ANKRD36: variants seen among roughly 807,000 people sequenced by gnomAD.
The protein encoded by ANKRD36 is ankyrin repeat domain 36.
ANKRD36 carries 179 observed loss-of-function variants against 278.1 expected under a neutral mutation model. That is an observed-to-expected ratio of 0.64 (90% confidence interval 0.57 to 0.73). The LOEUF (loss-of-function observed/expected upper bound fraction) is 0.73, where lower values mean the gene tolerates loss of function less well. Among genes scored for constraint, ANKRD36 ranks in the 30% least tolerant of loss-of-function variants. ANKRD36 has a pLI of 0.00. For synonymous variants in ANKRD36, 320 were observed against 641.1 expected, an observed-to-expected ratio of 0.50 and a Z score of 7.57; for missense variants, 1,159 against 1,956.7, an observed-to-expected ratio of 0.59 and a Z score of 7.69.
rs750018653 is a variant in ANKRD36 at position 97,187,380 on chromosome 2, G to A, written c.2122G>A (p.Asp708Asn). 1 of 1,594,014 alleles carries A rather than the reference G, an allele frequency of 6.3e-7. No individual in the cohort carries two copies. The highest frequency in any genetic ancestry group is 8.6e-7 in the Non-Finnish European group (1 of 1,168,878). ...TTCGAATATAGCCACAGAAATAAAGGATGGAGAAAAATCTGGGACAGGTAA... is the reference window on the plus strand; with the variant it reads ...TTCGAATATAGCCACAGAAATAAAGAATGGAGAAAAATCTGGGACAGGTAA... Reference protein sequence around the residue: ...SVSNIATEIKDGEKSGTVSSQ... With the variant: ...SVSNIATEIKNGEKSGTVSSQ... The change falls in exon 32 of 76, where the codon GAT (aspartate) becomes AAT (asparagine). Residue 708 changes from aspartate (D) to asparagine (N), a missense_variant. Physicochemically the swap from Asp to Asn is conservative, Grantham distance 23. Coordinates refer to ENST00000420699, the MANE Select transcript of ANKRD36 (RefSeq NM_001354587.1).
At position 97,206,067 on chromosome 2, in the gene ANKRD36, C is replaced by G. The variant is rs201690799; in HGVS notation, c.3095C>G (p.Thr1032Arg). 5 of 1,550,986 alleles carry G rather than the reference C, an allele frequency of 3.2e-6. No individual in the cohort carries two copies. The highest frequency in any genetic ancestry group is 1.2e-5 in the South Asian group (1 of 84,360). Residue 1032 changes from threonine (T) to arginine (R), a missense_variant, in exon 52 of 76, where the codon ACA becomes AGA. Physicochemically the swap from Thr to Arg is moderately conservative, Grantham distance 71. Transcript: ENST00000420699. Reference sequence around the variant, plus strand: ...TTTGTTTCAAATTCCATTCAGGCTACAAGTGATGAGGAAGATTCTGTTTTG... The same window carrying G: ...TTTGTTTCAAATTCCATTCAGGCTAGAAGTGATGAGGAAGATTCTGTTTTG... ...SSQKPPTLKA[T>R]SDEEDSVLSI...
At chr2:97,136,996 G>A (rs559149227) in intron 6 of ANKRD36, among the ~76,000 whole-genome samples, 1 of 152,166 alleles carries the variant, frequency 6.6e-6, no homozygotes, top group East Asian at 1.9e-4. Flanking sequence ...TTCATTAGTT[G>A]CCTACAAATA....
chr2:97,203,923 C>G, intron 48 of ANKRD36, 145 bp from the exon 49 acceptor site: 6 of 1,334,088 alleles, frequency 4.5e-6, no homozygotes, highest in Non-Finnish European at 6.1e-6. Context: ...CTGTCACGTT[C>G]TAATCCCCAG....
chr2:97,139,101 C>T (rs569344790), intron 6 of ANKRD36, among the ~76,000 whole-genome samples: 28 of 151,978 alleles, frequency 1.8e-4, no homozygotes, highest in African/African-American at 6.5e-4. Flanking sequence ...AACTAAAGAA[C>T]TTGTGTGCAG....
rs368158747 is a variant in ANKRD36 at position 97,123,020 on chromosome 2, G to A, written c.593+27G>A. Reference sequence around the variant, plus strand: ...TACAGACCTTAGTTCTTATTGTGTCGTTTTTAAACCTGAGTGTCATTTTAG... The same window carrying A: ...TACAGACCTTAGTTCTTATTGTGTCATTTTTAAACCTGAGTGTCATTTTAG... On this transcript the variant is annotated intron_variant, in intron 4 of 75. Transcript: ENST00000420699. The A allele has an allele frequency of 4.6e-5, 68 of 1,493,058 alleles. 1 individual carries two copies. Among genetic ancestry groups the A allele is most frequent in the African/African-American group, 2.5e-4 (18 of 70,886 alleles). The allele number at this position is 1,493,058 out of a possible 1,614,324, so 92.5% of individuals were successfully genotyped here.
chr2:97,150,229 T>C (rs2045551489), intron 12 of ANKRD36, among the ~76,000 whole-genome samples: 1 of 151,724 alleles, frequency 6.6e-6, no homozygotes, highest in Admixed American at 6.6e-5. Flanking sequence ...CTTCATATTT[T>C]ATGGTCAGAC....
chr2:97,155,256 G>A lies in ANKRD36; in HGVS notation c.1260+515G>A, dbSNP rs1413579359. Reference sequence around the variant, plus strand: ...ACATCATACAGTATTTTTGCAGAGAGCTACTTCTTTATTTTTATTCTTGGT... The same window carrying A: ...ACATCATACAGTATTTTTGCAGAGAACTACTTCTTTATTTTTATTCTTGGT... On this transcript the variant is annotated intron_variant, in intron 15 of 75. Transcript: ENST00000420699. Among the ~76,000 whole-genome samples the A allele has an allele frequency of 1.4e-5, 2 of 142,806 alleles. 1 individual carries two copies. The highest frequency in any genetic ancestry group is 3.2e-5 in the Non-Finnish European group (2 of 63,190). 93.7% of individuals were successfully genotyped at this position (142,806 alleles called of 152,430 possible). A position where few individuals can be genotyped will look rare whatever the true frequency, so the allele number is the denominator to read the frequency against.
chr2:97,195,340 C>G (rs1383155711), intron 40 of ANKRD36, among the ~76,000 whole-genome samples: 2 of 151,908 alleles, frequency 1.3e-5, no homozygotes, highest in African/African-American at 4.8e-5. Flanking sequence ...TGAGGAGACC[C>G]CTGATGTAGC....
At chr2:97,146,636 T>C in intron 11 of ANKRD36, 120 bp downstream of exon 11, 1 of 870,786 alleles carries the variant, frequency 1.1e-6, no homozygotes, top group Non-Finnish European at 1.6e-6. Context: ...TTAATATTTA[T>C]CATGTCATGT....
At chr2:97,155,561 C>A (rs1377999874) in intron 15 of ANKRD36, among the ~76,000 whole-genome samples, 1 of 146,274 alleles carries the variant, frequency 6.8e-6, no homozygotes, top group African/African-American at 2.4e-5. Flanking sequence ...AACTCTTTAT[C>A]TAATTGAAGA....
At chr2:97,169,341 G>A (rs112960557) in intron 22 of ANKRD36, among the ~76,000 whole-genome samples, 2 of 152,302 alleles carry the variant, frequency 1.3e-5, no homozygotes, top group Admixed American at 6.5e-5. Context: ...TTAGATTCTG[G>A]ATATTAGCCT....
chr2:97,120,867 G>A (rs1329775273), intron 3 of ANKRD36, among the ~76,000 whole-genome samples: 9 of 152,012 alleles, frequency 5.9e-5, no homozygotes, highest in Admixed American at 1.3e-4. Flanking sequence ...TAGGAGACTC[G>A]TGCACAGATC....
At chr2:97,228,726 G>C (rs1459099527) in intron 67 of ANKRD36, among the ~76,000 whole-genome samples, 1 of 151,422 alleles carries the variant, frequency 6.6e-6, no homozygotes, top group African/African-American at 2.4e-5. Flanking sequence ...TAATTGTGAT[G>C]TTAGGGTGTC....
At chr2:97,191,236 C>G in intron 36 of ANKRD36, 55 bp downstream of exon 36, 1 of 1,492,570 alleles carries the variant, frequency 6.7e-7, no homozygotes, top group Non-Finnish European at 9.0e-7. Flanking sequence ...ATAAGAATTT[C>G]TCTTTCCTGA....
intron 38 of ANKRD36, among the ~76,000 whole-genome samples, chr2:97,193,632 T>C (rs1280309703): frequency 6.6e-6 from 1 of 151,552 alleles, no homozygotes; most frequent in African/African-American, 2.4e-5. Context: ...AATATTTGCT[T>C]TTGGCTACTC....
At chr2:97,206,523 TA>T (rs1250522827) in intron 52 of ANKRD36, among the ~76,000 whole-genome samples, 3 of 151,396 alleles carry the variant, frequency 2.0e-5, no homozygotes, top group Non-Finnish European at 4.4e-5. Context: ...CTTGTTGTAA[TA>T]ACCCGTACAC....
chr2:97,165,632 TC>T (rs1281988620), intron 20 of ANKRD36, among the ~76,000 whole-genome samples: 2 of 152,170 alleles, frequency 1.3e-5, no homozygotes, highest in Non-Finnish European at 2.9e-5. Context: ...CCAGGAATGA[TC>T]AAATCACAGT....
chr2:97,122,485 A>G (rs1215431430), intron 3 of ANKRD36, among the ~76,000 whole-genome samples: 1 of 145,118 alleles, frequency 6.9e-6, no homozygotes, highest in Non-Finnish European at 1.5e-5. Context: ...ATCATTAATA[A>G]AAATACCTGA....
At chr2:97,159,071 G>T (rs911173828) in intron 17 of ANKRD36, among the ~76,000 whole-genome samples, 7 of 151,974 alleles carry the variant, frequency 4.6e-5, no homozygotes, top group Non-Finnish European at 8.8e-5. Flanking sequence ...AGATGACAAA[G>T]ATTAGTATAA....
Sources: gnomAD v4.1 joint callset for allele counts (sites outside exome capture counted in the v4.1 genomes callset) on GRCh38, gnomAD v4.1.1 for gene constraint, MANE v1.5 for transcripts, NCBI Gene and HGNC (gene_info 2026-07-23, HGNC 2026-07-21) for gene names.